ADGRG1: variants seen among roughly 807,000 people sequenced by gnomAD.
ADGRG1 encodes the protein adhesion G protein-coupled receptor G1.
ADGRG1 carries 53 observed loss-of-function variants against 73.5 expected under a neutral mutation model. The ratio of observed to expected loss-of-function variants is 0.72; its 90% CI spans 0.58 to 0.91. The LOEUF is 0.91. Among genes scored for constraint, ADGRG1 ranks in the 40% least tolerant of loss-of-function variants. The probability of loss-of-function intolerance (pLI) is 0.00; values close to 1 mark genes in which losing one functional copy is unlikely to be tolerated. For synonymous variants in ADGRG1, 394 were observed against 374.4 expected, an observed-to-expected ratio of 1.05 and a Z score of -0.60; for missense variants, 795 against 871.8, an observed-to-expected ratio of 0.91 and a Z score of 1.11.
chr16:57,660,920 G>T (rs1428791881), intron 12 of ADGRG1, 44 bp downstream of exon 12: 1 of 1,177,508 alleles, frequency 8.5e-7, no homozygotes, highest in South Asian at 1.2e-5. Context: ...GGGTCTCTGG[G>T]CACAGAGGCC....
chr16:57,653,130 TA>T, intron 3 of ADGRG1, 72 bp from the exon 4 acceptor site: 1 of 1,597,406 alleles, frequency 6.3e-7, no homozygotes, highest in Non-Finnish European at 8.5e-7. Context: ...GTCAGGGTGG[TA>T]GGGGGCAGAA....
At chr16:57,643,148 T>C (rs1187760390) in intron 1 of ADGRG1, 1 of 152,062 alleles carries the variant, frequency 6.6e-6, no homozygotes, top group African/African-American at 2.4e-5. Context: ...ACTGGGAGGA[T>C]GTGGGGGCCT....
rs577402577 is a variant in ADGRG1, at chr16:57,632,688, C to A, written c.-36+3886C>A. The A allele has an allele frequency of 2.9e-5, 21 of 730,402 alleles. No individual in the cohort carries two copies. The African/African-American group carries it at 3.4e-4, about 12-fold the overall frequency. The allele number at this position is 730,402 out of a possible 1,614,324, so 45.2% of individuals were successfully genotyped here. On this transcript the variant is annotated intron_variant, in intron 1 of 13. Transcript: ENST00000562631. ...GGAGGCCAGTGTGGTGGGCGTCGGGCTCCCGAGCTGGCGCCTGCGCAGGCT... is the reference window on the plus strand; with the variant it reads ...GGAGGCCAGTGTGGTGGGCGTCGGGATCCCGAGCTGGCGCCTGCGCAGGCT...
intron 1 of ADGRG1, chr16:57,643,559 G>T: frequency 1.0e-6 from 1 of 983,206 alleles, no homozygotes; most frequent in Non-Finnish European, 1.2e-6. Context: ...CTGGCGGTAT[G>T]GGGGGTGGGG....
Position 57,638,402 on chromosome 16 carries a change from G to A in ADGRG1, c.-36+9600G>A, listed in dbSNP as rs2039897884. ...TCCAAAATGCCCAGTGTAGTTCCTG[G>A]CACACAGTAGGAGTTTCAGAAGCTC... On this transcript the variant is annotated intron_variant, in intron 1 of 13. Transcript: ENST00000562631. 7.2e-5 allele frequency among the ~76,000 whole-genome samples: 11 copies of A among 152,272 alleles called. No individual in the cohort carries two copies. In the South Asian group the frequency reaches 2.3e-3, roughly 32 times the overall value.
chr16:57,660,734 C>G (rs372521137), intron 11 of ADGRG1, 34 bp from the exon 12 acceptor site: 3 of 1,503,880 alleles, frequency 2.0e-6, no homozygotes, highest in African/African-American at 1.4e-5. Flanking sequence ...CCTCAGAGAG[C>G]GGGAAGTAGA....
At chr16:57,633,999 G>T in intron 1 of ADGRG1, 1 of 806,202 alleles carries the variant, frequency 1.2e-6, no homozygotes, top group Non-Finnish European at 1.5e-6. Context: ...CTGGGCTGGG[G>T]AGCTGAGCTG....
At chr16:57,628,256 A>G (rs961225024), upstream of ADGRG1, 50 of 878,558 alleles carry the variant, frequency 5.7e-5, no homozygotes, top group Admixed American at 3.1e-4. Context: ...GGGTGGGCGG[A>G]CAGCATCCAA....
chr16:57,656,994 G>A (rs2045897157), intron 9 of ADGRG1, among the ~76,000 whole-genome samples: 1 of 152,204 alleles, frequency 6.6e-6, no homozygotes, highest in Non-Finnish European at 1.5e-5. Flanking sequence ...CATGCTCCCA[G>A]GACTGTAGGA....
Position 57,651,619 on chromosome 16 carries a change from C to T in ADGRG1, c.484C>T (p.His162Tyr), listed in dbSNP as rs765936526. Residue 162 changes from histidine (H) to tyrosine (Y), a missense_variant, in exon 3 of 14, where the codon CAC becomes TAC. His to Tyr is a moderately conservative substitution (Grantham distance 83). Transcript: ENST00000562631. ...PSAASFTFSF[H>Y]SPPHTAAHNA... Reference sequence around the variant, plus strand: ...TGCCGCCAGCTTCACCTTCTCCTTCCACAGTAAGGCAACTTCCAGGCGGAG... The same window carrying T: ...TGCCGCCAGCTTCACCTTCTCCTTCTACAGTAAGGCAACTTCCAGGCGGAG... 3 of 1,613,530 alleles carry T rather than the reference C, an allele frequency of 1.9e-6. No homozygotes were observed. The South Asian group carries it at 3.3e-5, about 18-fold the overall frequency.
intron 10 of ADGRG1, chr16:57,659,068 G>A (rs1233879592): frequency 2.0e-6 from 2 of 985,286 alleles, no homozygotes. Flanking sequence ...ACAGAATGTG[G>A]ATGGCATGGA....
intron 1 of ADGRG1, chr16:57,645,020 A>G: frequency 1.0e-6 from 1 of 953,892 alleles, no homozygotes. Flanking sequence ...ATGGGCGCAC[A>G]CACTCATCAC....
chr16:57,644,657 C>T (rs1037527346), intron 1 of ADGRG1, among the ~76,000 whole-genome samples: 2 of 138,292 alleles, frequency 1.4e-5, no homozygotes, highest in Non-Finnish European at 3.0e-5. Flanking sequence ...CACGCACACT[C>T]ATCACACACT....
chr16:57,655,484 A>G lies in ADGRG1; in HGVS notation c.854A>G (p.Glu285Gly), dbSNP rs1452120226. Reference sequence around the variant, plus strand: ...ACGAAAGGCCGGAGCGGGGAGGCTGAGAAGAGACTCCTCCTGGTGGACTTC... The same window carrying G: ...ACGAAAGGCCGGAGCGGGGAGGCTGGGAAGAGACTCCTCCTGGTGGACTTC... ...QRTKGRSGEA[E>G]KRLLLVDFSS... Residue 285 changes from glutamate to glycine, a missense_variant, in exon 6 of 14, where the codon GAG becomes GGG. Coordinates refer to ENST00000562631, the MANE Select transcript of ADGRG1 (RefSeq NM_201525.4). 1 of 1,613,712 alleles carries G rather than the reference A, an allele frequency of 6.2e-7. No individual in the cohort carries two copies. The highest frequency in any genetic ancestry group is 1.3e-5 in the African/African-American group (1 of 74,906).
intron 1 of ADGRG1, among the ~76,000 whole-genome samples, chr16:57,644,821 C>T (rs1166437590): frequency 7.0e-6 from 1 of 142,444 alleles, no homozygotes; most frequent in African/African-American, 2.6e-5. Context: ...TCCTCACACA[C>T]ATGCACACAC....
At chr16:57,635,784 G>A in intron 1 of ADGRG1, 2 of 985,416 alleles carry the variant, frequency 2.0e-6, no homozygotes, top group Non-Finnish European at 1.2e-6. Flanking sequence ...AGGGAAAGGA[G>A]TGCACCATGC....
At chr16:57,625,586 C>A, upstream of ADGRG1, 1 of 984,088 alleles carries the variant, frequency 1.0e-6, no homozygotes, top group Non-Finnish European at 1.2e-6. Flanking sequence ...TGGTACAAGT[C>A]CCTGGCGTCT....
At chr16:57,653,104 A>T in intron 3 of ADGRG1, 99 bp from the exon 4 acceptor site, 1 of 1,591,838 alleles carries the variant, frequency 6.3e-7, no homozygotes, top group African/African-American at 1.3e-5. Context: ...GTAAAGATCG[A>T]GGCATTCAGA....
chr16:57,663,686 C>A lies in ADGRG1; in HGVS notation c.*104C>A. 3.0e-6 allele frequency: 4 copies of A among 1,328,630 alleles called. No individual in the cohort carries two copies. The highest frequency in any genetic ancestry group is 4.3e-6 in the Non-Finnish European group (4 of 938,940). The allele number at this position is 1,328,630 out of a possible 1,614,324, so 82.3% of individuals were successfully genotyped here. A position where few individuals can be genotyped will look rare whatever the true frequency, so the allele number is the denominator to read the frequency against. ...CAGCCCCAGGCCAGTCAGCCGCAGA[C>A]TTTGGAAAGCCCAACGACCATGGAG... On this transcript the variant is annotated 3_prime_UTR_variant, in exon 14 of 14. Coordinates refer to ENST00000562631, the MANE Select transcript of ADGRG1 (RefSeq NM_201525.4).
Sources: gnomAD v4.1 joint callset for allele counts (sites outside exome capture counted in the v4.1 genomes callset) on GRCh38, gnomAD v4.1.1 for gene constraint, MANE v1.5 for transcripts, NCBI Gene and HGNC (gene_info 2026-07-23, HGNC 2026-07-21) for gene names.